The following SLC2A9 variants were observed in gnomAD, a reference collection of about 807,000 sequenced individuals.
SLC2A9 encodes the protein solute carrier family 2, facilitated glucose transporter member 9.
In SLC2A9, 39 loss-of-function variants were observed where a neutral mutation model predicts 50.6. The ratio of observed to expected loss-of-function variants is 0.77; its 90% CI spans 0.60 to 1.01. SLC2A9 has a LOEUF of 1.01. SLC2A9 is among the 50% of genes least tolerant of loss of function. SLC2A9 has a pLI of 0.00. For synonymous variants in SLC2A9, 324 were observed against 276.9 expected (o/e 1.17, Z -1.69); for missense variants, 686 against 677.6 (o/e 1.01, Z -0.14).
intron 3 of SLC2A9, among the ~76,000 whole-genome samples, chr4:9,994,429 G>A (rs2109261707): frequency 6.6e-6 from 1 of 152,258 alleles, no homozygotes; most frequent in African/African-American, 2.4e-5. Flanking sequence ...AAGGAAACTG[G>A]CAGCTGCTTG....
chr4:9,897,468 A>G (rs182041075), intron 8 of SLC2A9, among the ~76,000 whole-genome samples: 17 of 152,302 alleles, frequency 1.1e-4, no homozygotes, highest in African/African-American at 3.8e-4. Context: ...TAGGTGATTC[A>G]GTTAAAAAAA....
At chr4:9,850,408 G>T (rs75690580) in intron 10 of SLC2A9, among the ~76,000 whole-genome samples, 1,701 of 152,308 alleles carry the variant, frequency 0.011, 20 homozygotes, top group Admixed American at 0.018. Flanking sequence ...GCTCCTCTAG[G>T]AGTGTGACTG....
chr4:10,025,797 G>T, upstream of SLC2A9: 1 of 1,063,166 alleles, frequency 9.4e-7, no homozygotes, highest in Non-Finnish European at 1.4e-6. Flanking sequence ...TCTTTTCTCT[G>T]CCCAGCTTCA....
intron 6 of SLC2A9, among the ~76,000 whole-genome samples, chr4:9,931,639 G>C (rs1745946408): frequency 6.6e-6 from 1 of 152,086 alleles, no homozygotes; most frequent in African/African-American, 2.4e-5. Context: ...ACCTAGATCT[G>C]TCTGATCTTT....
intron 4 of SLC2A9, among the ~76,000 whole-genome samples, chr4:9,985,369 A>G (rs952580818): frequency 1.3e-5 from 2 of 152,182 alleles, no homozygotes; most frequent in African/African-American, 4.8e-5. Flanking sequence ...ACCTTGGAAT[A>G]TTAACATTAT....
chr4:10,009,503 T>G (rs377594951), intron 2 of SLC2A9: 9 of 152,188 alleles, frequency 5.9e-5, no homozygotes, highest in Non-Finnish European at 1.3e-4. Context: ...GAGAAAATAA[T>G]AGAATATACC....
intron 6 of SLC2A9, among the ~76,000 whole-genome samples, chr4:9,928,924 G>A (rs544423900): frequency 1.3e-5 from 2 of 152,216 alleles, no homozygotes; most frequent in African/African-American, 4.8e-5. Flanking sequence ...AAGGACAGTG[G>A]TTGATACTAA....
At chr4:10,023,783 A>G (rs1026663221), upstream of SLC2A9, among the ~76,000 whole-genome samples, 2 of 152,162 alleles carry the variant, frequency 1.3e-5, no homozygotes, top group African/African-American at 2.4e-5. Flanking sequence ...CCTCAGAGGA[A>G]CTATCAGACC....
chr4:9,995,083 C>T (rs190345909), intron 3 of SLC2A9, among the ~76,000 whole-genome samples: 1 of 152,130 alleles, frequency 6.6e-6, no homozygotes, highest in Non-Finnish European at 1.5e-5. Context: ...ATGATTCCAG[C>T]CTAAGCTCAG....
chr4:9,975,296 ATCAATGGAG>A (rs1281707826), intron 5 of SLC2A9, among the ~76,000 whole-genome samples: 2 of 152,218 alleles, frequency 1.3e-5, no homozygotes, highest in Non-Finnish European at 2.9e-5. Context: ...TCAAGCAACT[ATCAATGGAG>A]TAAACAGACA....
chr4:10,025,926 C>A (rs1426309613), upstream of SLC2A9: 1 of 1,613,424 alleles, frequency 6.2e-7, no homozygotes, highest in African/African-American at 1.3e-5. Flanking sequence ...CGCTGAATCA[C>A]TTTCTTCATC....
upstream of SLC2A9, among the ~76,000 whole-genome samples, chr4:10,021,947 TC>T (rs1219450446): frequency 1.3e-5 from 2 of 151,928 alleles, no homozygotes; most frequent in Non-Finnish European, 2.9e-5. Context: ...CAAGCAATTC[TC>T]CTGCCTCAGC....
chr4:9,852,614 C>T (rs1730147291), intron 10 of SLC2A9, among the ~76,000 whole-genome samples: 1 of 152,188 alleles, frequency 6.6e-6, no homozygotes. Flanking sequence ...AACTAAGCTT[C>T]ATAAACAAAG....
In SLC2A9 at chr4:9,781,503, G is replaced by A. The variant is rs1560275257; in HGVS notation, n.386-1438C>T. The stretch of plus-strand genomic sequence containing the variant: ...GGGCGCCCCTCGGACCTGCGGGATC[G>A]CCCCTACACTCTGGCGCGCTGAGGG... On this transcript the variant is annotated intron_variant and non_coding_transcript_variant, in intron 3 of 3. Coordinates refer to the SLC2A9 transcript ENST00000503803. 2.6e-5 allele frequency among the ~76,000 whole-genome samples: 4 copies of A among 151,988 alleles called. No individual in the cohort carries two copies. The South Asian group carries it at 6.2e-4, about 24-fold the overall frequency.
intron 10 of SLC2A9, among the ~76,000 whole-genome samples, chr4:9,840,725 T>C (rs753037217): frequency 3.9e-5 from 6 of 152,218 alleles, no homozygotes; most frequent in Non-Finnish European, 8.8e-5. Flanking sequence ...TTGAAATTCA[T>C]TAACTATGAT....
Position 9,811,092 on chromosome 4 carries a change from T to C in SLC2A9, n.421-11851A>G, listed in dbSNP as rs1722830544. Among the ~76,000 whole-genome samples the C allele has an allele frequency of 2.6e-5, 4 of 152,292 alleles. No individual in the cohort carries two copies. In the South Asian group the frequency reaches 8.3e-4, roughly 32 times the overall value. On this transcript the variant is annotated intron_variant and non_coding_transcript_variant, in intron 3 of 3. Transcript: ENST00000503280. ...GTCCACCACTTCTGGGCTGAGCACA[T>C]GACCAAGCTGGCCAATCAGAGGAAC...
chr4:9,907,242 A>G (rs1037072298), intron 8 of SLC2A9, among the ~76,000 whole-genome samples: 7 of 152,272 alleles, frequency 4.6e-5, no homozygotes, highest in African/African-American at 1.7e-4. Flanking sequence ...AGCTACAAAA[A>G]AGAAGAGACA....
chr4:9,962,153 G>A (rs1207172111), intron 5 of SLC2A9, among the ~76,000 whole-genome samples: 2 of 152,232 alleles, frequency 1.3e-5, no homozygotes, highest in African/African-American at 4.8e-5. Context: ...GTGGAAGACA[G>A]TGTGGCAATT....
chr4:9,928,880 A>G (rs1745386939), intron 6 of SLC2A9, among the ~76,000 whole-genome samples: 1 of 152,260 alleles, frequency 6.6e-6, no homozygotes, highest in African/African-American at 2.4e-5. Context: ...TTATTGTTAA[A>G]ATATAAAAAG....
Sources: gnomAD v4.1 joint callset for allele counts (sites outside exome capture counted in the v4.1 genomes callset) on GRCh38, gnomAD v4.1.1 for gene constraint, MANE v1.5 for transcripts, NCBI Gene and HGNC (gene_info 2026-07-23, HGNC 2026-07-21) for gene names.